The following OTOG variants were observed in gnomAD, a reference collection of about 807,000 sequenced individuals.
OTOG encodes otogelin.
OTOG carries 296 observed loss-of-function variants against 313.8 expected under a neutral mutation model. The observed-to-expected ratio is 0.94, with a 90% CI of 0.86 to 1.04. The LOEUF is 1.04. Ranked by LOEUF, OTOG falls within the 50% of genes least tolerant of loss-of-function variation. The pLI is 0.00. For missense variants in OTOG, 3,948 were observed against 3,840.1 expected, an observed-to-expected ratio of 1.03 and a Z score of -0.74; for synonymous variants, 1,533 against 1,554.9, an observed-to-expected ratio of 0.99 and a Z score of 0.33.
chr11:17,591,686 G>A (rs1489851532), intron 25 of OTOG, 98 bp downstream of exon 25: 3 of 1,445,392 alleles, frequency 2.1e-6, no homozygotes, highest in Non-Finnish European at 2.8e-6. Context: ...TGGGTGATCG[G>A]GGATCTAAGC....
At chr11:17,623,698 T>G (rs936477858) in intron 39 of OTOG, among the ~76,000 whole-genome samples, 2 of 152,204 alleles carry the variant, frequency 1.3e-5, no homozygotes, top group African/African-American at 4.8e-5. Context: ...GTAGTTGTGT[T>G]TTTAGGTCTT....
Position 17,561,743 on chromosome 11 carries a change from T to A in OTOG, c.1580T>A (p.Ile527Asn). The stretch of plus-strand genomic sequence containing the variant: ...ACGTTCCCCGCCACATGTCAGTACA[T>A]CCTGGCCAAGAGCCGCTCTTCGGGC... ...RYTFPATCQY[I>N]LAKSRSSGTF... The change falls in exon 15 of 56, where the codon ATC becomes AAC. Residue 527 changes from isoleucine (I) to asparagine (N), a missense_variant. Physicochemically the swap from Ile to Asn is moderately radical, Grantham distance 149. Transcript: ENST00000399397. The A allele has an allele frequency of 6.4e-7, 1 of 1,550,450 alleles. No individual in the cohort carries two copies. The highest frequency in any genetic ancestry group is 8.7e-7 in the Non-Finnish European group (1 of 1,146,960).
At chr11:17,555,738 T>C in intron 6 of OTOG, 41 bp from the exon 7 acceptor site, 1 of 1,498,900 alleles carries the variant, frequency 6.7e-7, no homozygotes, top group Non-Finnish European at 9.1e-7. Flanking sequence ...GTCAGGCCTG[T>C]GGCAGGAGCC....
intron 15 of OTOG, among the ~76,000 whole-genome samples, chr11:17,568,383 G>A (rs1018933422): frequency 6.6e-6 from 1 of 152,122 alleles, no homozygotes; most frequent in South Asian, 2.1e-4. Context: ...CCCTAGGAAG[G>A]CCTTTCCTAC....
chr11:17,560,225 A>G (rs1054896081), intron 12 of OTOG, among the ~76,000 whole-genome samples: 2 of 152,258 alleles, frequency 1.3e-5, no homozygotes, highest in African/African-American at 2.4e-5. Flanking sequence ...GATAAAAAAT[A>G]TAAAAATAAA....
intron 39 of OTOG, among the ~76,000 whole-genome samples, chr11:17,626,547 G>A (rs1853990677): frequency 6.6e-6 from 1 of 152,232 alleles, no homozygotes; most frequent in South Asian, 2.1e-4. Flanking sequence ...TTGAAGTCAG[G>A]TAATGTAATT....
intron 14 of OTOG, 137 bp downstream of exon 14, chr11:17,561,274 T>C (rs1462499020): frequency 1.9e-6 from 2 of 1,043,740 alleles, no homozygotes; most frequent in Non-Finnish European, 2.8e-6. Context: ...GACCCCTGTT[T>C]CCTCAGAATC....
rs531090386 is a variant in OTOG at position 17,643,551 on chromosome 11, G to A, written c.8461+45G>A. On this transcript the variant is annotated intron_variant, in intron 54 of 55. Transcript: ENST00000399397. Reference sequence around the variant, plus strand: ...GCCCAGGGGTGGGGGGCTCTGATGGGGGCACAGGGTGTCATGTCAGGGGAC... The same window carrying A: ...GCCCAGGGGTGGGGGGCTCTGATGGAGGCACAGGGTGTCATGTCAGGGGAC... 3.1e-5 allele frequency: 41 copies of A among 1,322,332 alleles called. No individual in the cohort carries two copies. The African/African-American group carries it at 4.9e-4, about 16-fold the overall frequency. 81.9% of individuals were successfully genotyped at this position (1,322,332 alleles called of 1,614,324 possible).
intron 6 of OTOG, 69 bp downstream of exon 6, chr11:17,553,588 C>T: frequency 7.7e-7 from 1 of 1,292,906 alleles, no homozygotes; most frequent in Non-Finnish European, 9.9e-7. Context: ...CTGGCCTGGG[C>T]TCTACTTGTC....
chr11:17,625,636 T>A (rs945510109), intron 39 of OTOG, among the ~76,000 whole-genome samples: 5 of 152,120 alleles, frequency 3.3e-5, no homozygotes, highest in East Asian at 1.9e-4. Context: ...TGTGCATTTT[T>A]AAATCAGATT....
rs1385035259 is a variant in OTOG, at chr11:17,613,200, TTTC to T, written c.6439-409_6439-407del. Among the ~76,000 whole-genome samples the T allele has an allele frequency of 1.8e-3, 116 of 65,834 alleles. 2 individuals carry two copies. Among genetic ancestry groups the T allele is most frequent in the African/African-American group, 5.0e-3 (64 of 12,716 alleles). 43.2% of individuals were successfully genotyped at this position (65,834 alleles called of 152,430 possible). On this transcript the variant is annotated intron_variant, in intron 38 of 55. Coordinates refer to ENST00000399397, the MANE Select transcript of OTOG (RefSeq NM_001292063.2). ...TTTCTTTCTTTCTTTCTTTCTTTTC[TTTC>T]TTTCTTTCTTTCTTTCTTTCTTTCT... is the stretch of plus-strand genomic sequence containing the variant.
Position 17,645,734 on chromosome 11 carries a change from C to T in OTOG, c.8542-10C>T. 6.4e-7 allele frequency: 1 copy of T among 1,550,854 alleles called. No homozygotes were observed. The highest frequency in any genetic ancestry group is 8.7e-7 in the Non-Finnish European group (1 of 1,147,032). On this transcript the variant is annotated splice_polypyrimidine_tract_variant and intron_variant, in intron 55 of 55. Coordinates refer to ENST00000399397, the MANE Select transcript of OTOG (RefSeq NM_001292063.2). ...CACCACAGACTGCCTCACTGGCCTG[C>T]CCGTTCCAGGTGAACCTAGTGTCCT...
At chr11:17,635,878 A>T (rs568384118) in intron 47 of OTOG, among the ~76,000 whole-genome samples, 167 bp downstream of exon 47, 151 of 152,288 alleles carry the variant, frequency 9.9e-4, no homozygotes, top group African/African-American at 3.5e-3. Context: ...CCACCTGAAG[A>T]AGCTGGGTCA....
At chr11:17,577,027 G>T in intron 22 of OTOG, 116 bp downstream of exon 22, 6 of 1,055,478 alleles carry the variant, frequency 5.7e-6, no homozygotes, top group Non-Finnish European at 8.2e-6. Flanking sequence ...CCCTACATTG[G>T]GCCTTCCGTA....
chr11:17,561,894 A>C (rs754771205), intron 15 of OTOG, 87 bp downstream of exon 15: 1 of 1,483,812 alleles, frequency 6.7e-7, no homozygotes, highest in Non-Finnish European at 9.1e-7. Context: ...GACAGGGCTC[A>C]GGTCTTCCCA....
chr11:17,631,779 C>T lies in OTOG; in HGVS notation c.6790C>T (p.Pro2264Ser). 6.4e-7 allele frequency: 1 copy of T among 1,550,614 alleles called. No individual in the cohort carries two copies. Residue 2264 changes from proline to serine, a missense_variant, in exon 41 of 56, where the codon CCC (proline) becomes TCC (serine). By Grantham distance (74) the Pro-to-Ser change is moderately conservative. Coordinates refer to ENST00000399397, the MANE Select transcript of OTOG (RefSeq NM_001292063.2). ...GGTGGGTGGGGCTGAGGACCCTGCT[C>T]CCTTTCTGGACAGCTGGCAGGTGCC... ...SVVGGAEDPA[P>S]FLDSWQVPSS...
intron 24 of OTOG, among the ~76,000 whole-genome samples, chr11:17,590,499 TC>T (rs1565106351): frequency 6.6e-6 from 1 of 152,240 alleles, no homozygotes; most frequent in Non-Finnish European, 1.5e-5. Context: ...CATGATCTCT[TC>T]CCTGATGTGC....
Position 17,609,909 on chromosome 11 carries a change from A to G in OTOG, c.4609A>G (p.Thr1537Ala), listed in dbSNP as rs1590039946. The G allele has an allele frequency of 6.6e-7, 1 of 1,522,396 alleles. No individual in the cohort carries two copies. The highest frequency in any genetic ancestry group is 8.8e-7 in the Non-Finnish European group (1 of 1,131,540). The allele number at this position is 1,522,396 out of a possible 1,614,324, so 94.3% of individuals were successfully genotyped here. A position where few individuals can be genotyped will look rare whatever the true frequency, so the allele number is the denominator to read the frequency against. Residue 1537 changes from threonine to alanine, a missense_variant, in exon 36 of 56, where the codon ACT becomes GCT. Coordinates refer to ENST00000399397, the MANE Select transcript of OTOG (RefSeq NM_001292063.2). ...QTTLQQPLELTASQLPAGPTE... is the reference protein window; with the variant it reads ...QTTLQQPLELAASQLPAGPTE... ...CACCCTGCAGCAGCCACTGGAGCTC[A>G]CTGCATCTCAACTCCCCGCCGGCCC...
Position 17,557,302 on chromosome 11 carries a change from G to A in OTOG, c.844G>A (p.Asp282Asn). The A allele has an allele frequency of 1.3e-6, 2 of 1,549,710 alleles. No homozygotes were observed. Among genetic ancestry groups the A allele is most frequent in the East Asian group, 2.4e-5 (1 of 40,874 alleles). Residue 282 changes from aspartate to asparagine, a missense_variant, in exon 8 of 56, where the codon GAT (aspartate) becomes AAT (asparagine). By Grantham distance (23) the Asp-to-Asn change is conservative. Transcript: ENST00000399397. ...TGGGAACAACAATGCTGACCCCAAG[G>A]ATGATCTGGTGACCAGCTCTGGTGA... is the stretch of plus-strand genomic sequence containing the variant. Reference protein sequence around the residue: ...LCGNNNADPKDDLVTSSGKLT... With the variant: ...LCGNNNADPKNDLVTSSGKLT...
Sources: gnomAD v4.1 joint callset for allele counts (sites outside exome capture counted in the v4.1 genomes callset) on GRCh38, gnomAD v4.1.1 for gene constraint, MANE v1.5 for transcripts, NCBI Gene and HGNC (gene_info 2026-07-23, HGNC 2026-07-21) for gene names.